The following NNT variants were observed in gnomAD, a reference collection of about 807,000 sequenced individuals.
NNT encodes the protein nicotinamide nucleotide transhydrogenase, also known as NAD(P) transhydrogenase, mitochondrial.
NNT carries 50 observed loss-of-function variants against 104.8 expected under a neutral mutation model. That is an observed-to-expected ratio of 0.48 (90% CI 0.38 to 0.60). The LOEUF is 0.60. NNT is among the 20% of genes least tolerant of loss of function. The pLI is 0.00. For missense variants in NNT, 1,131 were observed against 1,330.7 expected, an observed-to-expected ratio of 0.85 and a Z score of 2.33; for synonymous variants, 461 against 490.4, an observed-to-expected ratio of 0.94 and a Z score of 0.79.
At chr5:43,676,830 G>T (rs113002404) in intron 18 of NNT, among the ~76,000 whole-genome samples, 1,743 of 152,252 alleles carry the variant, frequency 0.011, 20 homozygotes, top group African/African-American at 0.039. Flanking sequence ...ACCTATGAAG[G>T]TTTGTAGGGA....
chr5:43,700,280 T>A, intron 20 of NNT, 43 bp downstream of exon 20: 1 of 1,410,128 alleles, frequency 7.1e-7, no homozygotes. Context: ...ATTCTTACTA[T>A]GAATAAAGCA....
intron 17 of NNT, among the ~76,000 whole-genome samples, chr5:43,662,155 T>C (rs1740404307): frequency 6.6e-6 from 1 of 152,232 alleles, no homozygotes; most frequent in African/African-American, 2.4e-5. Context: ...CTTTAGGTTT[T>C]TAAATTTATA....
Position 43,649,132 on chromosome 5 carries a change from ACT to A in NNT, c.1445-10_1445-9del. On this transcript the variant is annotated splice_polypyrimidine_tract_variant and intron_variant, in intron 10 of 21. Transcript: ENST00000344920. Reference sequence around the variant, plus strand: ...GGATGTCAGCTCAAACACACTCTTTACTCTCTTTCTCTAGGTCTCACAGGGAT... The same window carrying A: ...GGATGTCAGCTCAAACACACTCTTTACTCTTTCTCTAGGTCTCACAGGGAT... 1 of 1,613,446 alleles carries A rather than the reference ACT, an allele frequency of 6.2e-7. No homozygotes were observed. The highest frequency in any genetic ancestry group is 8.5e-7 in the Non-Finnish European group (1 of 1,179,620).
intron 10 of NNT, chr5:43,647,960 G>T: frequency 2.0e-6 from 1 of 490,818 alleles, no homozygotes. Context: ...TACCTATGAA[G>T]ACACTGAAGC....
chr5:43,652,711 A>G (rs374334770), intron 13 of NNT, among the ~76,000 whole-genome samples: 12 of 152,274 alleles, frequency 7.9e-5, no homozygotes, highest in African/African-American at 2.9e-4. Context: ...TGACACTGTG[A>G]CAACACAAAT....
rs201069729 is a variant in NNT, at chr5:43,675,874, A to G, written c.2794+204A>G. 2.6e-5 allele frequency among the ~76,000 whole-genome samples: 4 copies of G among 152,300 alleles called. No individual in the cohort carries two copies. The East Asian group carries it at 7.7e-4, about 29-fold the overall frequency. The stretch of plus-strand genomic sequence containing the variant: ...ATTTTGGAGATCACATGGAAATTCT[A>G]TAAATTCTTACAGTGGGTTCTAGCC... On this transcript the variant is annotated intron_variant, in intron 18 of 21. Transcript: ENST00000344920.
chr5:43,659,441 A>G, intron 17 of NNT, 91 bp downstream of exon 17: 1 of 1,143,864 alleles, frequency 8.7e-7, no homozygotes, highest in Non-Finnish European at 1.2e-6. Context: ...ATAAAAATGA[A>G]TATTGTAGGC....
At chr5:43,687,904 G>A (rs189176025) in intron 19 of NNT, among the ~76,000 whole-genome samples, 2 of 152,010 alleles carry the variant, frequency 1.3e-5, no homozygotes, top group Non-Finnish European at 1.5e-5. Flanking sequence ...GTAGCCAGAT[G>A]GATTAATTTA....
intron 19 of NNT, among the ~76,000 whole-genome samples, chr5:43,689,435 G>T (rs908125942): frequency 6.6e-6 from 1 of 152,138 alleles, no homozygotes; most frequent in African/African-American, 2.4e-5. Context: ...TGTTGCATTT[G>T]CCTTTGGGTT....
intron 14 of NNT, 124 bp downstream of exon 14, chr5:43,653,337 G>A (rs1446818010): frequency 3.3e-6 from 3 of 905,920 alleles, no homozygotes; most frequent in Admixed American, 3.0e-5. Flanking sequence ...TATTATTTTG[G>A]TGAAAATTCA....
In NNT at chr5:43,668,289, A is replaced by T. The variant is rs369403054; in HGVS notation, c.2635-7222A>T. ...TGCAGTAGCTCTTTAGTTTAATTAG[A>T]TCCCATTTGTCAATTTTGGCTTTTG... On this transcript the variant is annotated intron_variant, in intron 17 of 21. Coordinates refer to ENST00000344920, the MANE Select transcript of NNT (RefSeq NM_182977.3). 5.4e-5 allele frequency among the ~76,000 whole-genome samples: 8 copies of T among 147,604 alleles called. No individual in the cohort carries two copies. In the East Asian group the frequency reaches 9.9e-4, roughly 18 times the overall value.
At chr5:43,677,399 TGAGAGAGAGAGAGA>T (rs111577191) in intron 18 of NNT, among the ~76,000 whole-genome samples, 1 of 138,632 alleles carries the variant, frequency 7.2e-6, no homozygotes, top group Non-Finnish European at 1.6e-5. Flanking sequence ...TTTAAAAACA[TGAGAGAGAGAGAGA>T]GAGAGAGAGA....
At chr5:43,686,238 A>AT (rs71610328) in intron 19 of NNT, among the ~76,000 whole-genome samples, 7,913 of 142,146 alleles carry the variant, frequency 0.056, 295 homozygotes, top group East Asian at 0.22. Context: ...ATACTGTTGA[A>AT]TTTTTTTTTT....
intron 11 of NNT, among the ~76,000 whole-genome samples, chr5:43,650,071 C>T (rs1739674887): frequency 6.6e-6 from 1 of 152,188 alleles, no homozygotes; most frequent in African/African-American, 2.4e-5. Context: ...CAGGCATTTA[C>T]AGTTCATGAA....
intron 17 of NNT, 38 bp from the exon 18 acceptor site, chr5:43,675,472 GT>G: frequency 6.4e-7 from 1 of 1,567,606 alleles, no homozygotes; most frequent in Middle Eastern, 1.7e-4. Context: ...ACAAAGTTAT[GT>G]GTGTTAAACT....
intron 17 of NNT, chr5:43,666,906 A>G: frequency 6.4e-7 from 1 of 1,572,834 alleles, no homozygotes; most frequent in Non-Finnish European, 8.6e-7. Flanking sequence ...CAATACAGGC[A>G]CAAACACGCT....
chr5:43,616,234 A>G (rs1173574608), intron 4 of NNT, among the ~76,000 whole-genome samples, 169 bp downstream of exon 4: 1 of 152,224 alleles, frequency 6.6e-6, no homozygotes, highest in Non-Finnish European at 1.5e-5. Context: ...TTTTACAGTA[A>G]TTAGATAGGA....
chr5:43,639,796 G>A (rs1158952069), intron 7 of NNT, among the ~76,000 whole-genome samples: 1 of 152,060 alleles, frequency 6.6e-6, no homozygotes, highest in East Asian at 1.9e-4. Flanking sequence ...TGAACCAGAA[G>A]GGAGCAAGAA....
At chr5:43,670,296 A>G (rs1160450313) in intron 17 of NNT, among the ~76,000 whole-genome samples, 1 of 151,866 alleles carries the variant, frequency 6.6e-6, no homozygotes, top group East Asian at 1.9e-4. Flanking sequence ...TTCTGCTCTG[A>G]TCTTAGTTAT....
Sources: allele counts gnomAD v4.1 joint callset (sites outside exome capture counted in the v4.1 genomes callset), GRCh38; gene constraint gnomAD v4.1.1; transcripts MANE v1.5; gene names NCBI Gene and HGNC (gene_info 2026-07-23, HGNC 2026-07-21).